Variants in RPAIN observed in about 807,000 individuals in gnomAD.
RPAIN encodes RPA interacting protein, also known as RPA-interacting protein.
A neutral mutation model predicts 30.5 loss-of-function variants in RPAIN; 29 were observed. The ratio of observed to expected loss-of-function variants is 0.95; its 90% CI spans 0.71 to 1.30. The LOEUF is 1.30. Among genes scored for constraint, RPAIN ranks in the 50% most tolerant of loss-of-function variants. RPAIN has a pLI of 0.00. For synonymous variants in RPAIN, 101 were observed against 93.5 expected (o/e 1.08, Z -0.46); for missense variants, 247 against 264.7 (o/e 0.93, Z 0.46).
Position 5,421,368 on chromosome 17 carries a change from C to A in RPAIN, c.154C>A (p.Pro52Thr), listed in dbSNP as rs1458226371. 1 of 1,613,794 alleles carries A rather than the reference C, an allele frequency of 6.2e-7. No homozygotes were observed. Among genetic ancestry groups the A allele is most frequent in the East Asian group, 2.2e-5 (1 of 44,868 alleles). Residue 52 changes from proline (P) to threonine (T), a missense_variant, in exon 2 of 7, where the codon CCA becomes ACA. Pro to Thr is a conservative substitution (Grantham distance 38, BLOSUM62 -1). Coordinates refer to ENST00000381209, the MANE Select transcript of RPAIN (RefSeq NM_001033002.4). ...GTACCGCCAGGCTGGAAGCAGTGGGCCAGGGAATTCTCAGAACAGCTTTCT... is the reference window on the plus strand; with the variant it reads ...GTACCGCCAGGCTGGAAGCAGTGGGACAGGGAATTCTCAGAACAGCTTTCT... ...NRYRQAGSSG[P>T]GNSQNSFLVQ...
chr17:5,431,556 A>G (rs79962342), intron 6 of RPAIN: 1 of 454,398 alleles, frequency 2.2e-6, no homozygotes, highest in East Asian at 7.1e-5. Context: ...ACATTTGGAA[A>G]GGTAGACATT....
intron 2 of RPAIN, among the ~76,000 whole-genome samples, chr17:5,422,563 A>T (rs1914973466): frequency 6.6e-6 from 1 of 152,220 alleles, no homozygotes; most frequent in Non-Finnish European, 1.5e-5. Context: ...GGGTACCATT[A>T]TTTTGTCACT....
intron 6 of RPAIN, chr17:5,428,627 A>G (rs532809867): frequency 2.3e-6 from 2 of 871,832 alleles, no homozygotes; most frequent in South Asian, 4.7e-5. Context: ...ACAGAGGTCC[A>G]AGGGCTATTC....
intron 5 of RPAIN, 114 bp from the exon 6 acceptor site, chr17:5,427,957 G>T: frequency 1.0e-6 from 1 of 971,198 alleles, no homozygotes. Context: ...AAGGCTCCAA[G>T]GAGTCAAGCC....
chr17:5,425,339 C>CTCTT (rs1915273660), intron 3 of RPAIN: 1 of 424,090 alleles, frequency 2.4e-6, no homozygotes, highest in Non-Finnish European at 4.7e-6. Context: ...TCAGTTCTCT[C>CTCTT]TTTTTTTTTT....
At chr17:5,429,740 C>T in intron 6 of RPAIN, 1 of 985,530 alleles carries the variant, frequency 1.0e-6, no homozygotes, top group Non-Finnish European at 1.2e-6. Context: ...TTTCAGGCCT[C>T]TGTGCTGTTG....
chr17:5,426,452 G>A, intron 5 of RPAIN, 153 bp downstream of exon 5: 1 of 720,370 alleles, frequency 1.4e-6, no homozygotes. Flanking sequence ...ATCAGCCATG[G>A]TGAGAATATC....
chr17:5,430,968 G>GA (rs1349115796), intron 6 of RPAIN: 1 of 160,820 alleles, frequency 6.2e-6, no homozygotes, highest in African/African-American at 2.4e-5. Context: ...TAATTGCCAA[G>GA]TGTACAGCTT....
rs1914791876 is a variant in RPAIN, at chr17:5,421,307, G to GA, written c.94dup (p.Arg32LysfsTer82). ...CTCTTTTTTCCCAGAGATGCCTGGA[G>GA]AGAATGAGAAACAGCCGGGACAGGC... On this transcript the variant is annotated frameshift_variant, in exon 2 of 7. Transcript: ENST00000381209. LOFTEE classifies it high-confidence loss of function. The GA allele has an allele frequency of 6.2e-7, 1 of 1,610,566 alleles. No individual in the cohort carries two copies. Among genetic ancestry groups the GA allele is most frequent in the Non-Finnish European group, 8.5e-7 (1 of 1,178,918 alleles).
chr17:5,420,273 G>T lies in RPAIN; in HGVS notation c.63G>T (p.Trp21Cys). The change falls in exon 1 of 7, where the codon TGG becomes TGT. Residue 21 changes from tryptophan to cysteine, a missense_variant. By Grantham distance (215) the Trp-to-Cys change is radical. Transcript: ENST00000381209. Reference protein sequence around the residue: ...SLYKLVGSPPWKEAFRQRCLE... With the variant: ...SLYKLVGSPPCKEAFRQRCLE... ...ACAAACTGGTGGGCTCGCCGCCTTG[G>T]AAAGAGGCTTTCCGGCAGGTGGGTA... The T allele has an allele frequency of 6.2e-7, 1 of 1,613,644 alleles. No individual in the cohort carries two copies. Among genetic ancestry groups the T allele is most frequent in the Non-Finnish European group, 8.5e-7 (1 of 1,179,906 alleles).
chr17:5,431,888 G>GT (rs1315593442), intron 6 of RPAIN: 1 of 321,806 alleles, frequency 3.1e-6, no homozygotes, highest in Non-Finnish European at 6.0e-6. Context: ...TATGCCTACT[G>GT]TTTAATTATT....
Position 5,426,808 on chromosome 17 carries a change from T to A in RPAIN, c.489+509T>A, listed in dbSNP as rs1414947637. On this transcript the variant is annotated intron_variant, in intron 5 of 6. Coordinates refer to ENST00000381209, the MANE Select transcript of RPAIN (RefSeq NM_001033002.4). ...GGTGCCTGCCACCACGCCCGGCTAATTTTTTTTTTATTTTTAGTAGAGATG... is the reference window on the plus strand; with the variant it reads ...GGTGCCTGCCACCACGCCCGGCTAAATTTTTTTTTATTTTTAGTAGAGATG... 2.7e-5 allele frequency: 4 copies of A among 148,452 alleles called. No homozygotes were observed. The East Asian group carries it at 7.9e-4, about 29-fold the overall frequency. 9.2% of individuals were successfully genotyped at this position (148,452 alleles called of 1,614,324 possible).
chr17:5,432,760 GAA>G lies in RPAIN; in HGVS notation c.*193_*194del. On this transcript the variant is annotated 3_prime_UTR_variant, in exon 7 of 7. Transcript: ENST00000381209. The stretch of plus-strand genomic sequence containing the variant: ...GACGCAGGTTGAAGGGGGAGGAATA[GAA>G]AAAGACAAACTGCCTTGGAGGAGAT... The G allele has an allele frequency of 1.3e-6, 1 of 770,690 alleles. No individual in the cohort carries two copies. Among genetic ancestry groups the G allele is most frequent in the Non-Finnish European group, 2.0e-6 (1 of 503,658 alleles). 47.7% of individuals were successfully genotyped at this position (770,690 alleles called of 1,614,324 possible).
intron 6 of RPAIN, chr17:5,430,026 G>C (rs1915754015): frequency 6.6e-6 from 1 of 152,224 alleles, no homozygotes; most frequent in South Asian, 2.1e-4. Flanking sequence ...AACTTAGCTG[G>C]ACATGGTGGT....
At chr17:5,425,339 CT>C (rs758229337) in intron 3 of RPAIN, 67,971 of 339,266 alleles carry the variant, frequency 0.2, 8 homozygotes, top group South Asian at 0.3. Flanking sequence ...TCAGTTCTCT[CT>C]TTTTTTTTTT....
chr17:5,422,640 G>T, intron 2 of RPAIN, 129 bp from the exon 3 acceptor site: 1 of 719,432 alleles, frequency 1.4e-6, no homozygotes, highest in Non-Finnish European at 2.5e-6. Context: ...AGCATATTCT[G>T]CAGGAGGACT....
chr17:5,431,589 A>C (rs1455825995), intron 6 of RPAIN: 5 of 456,030 alleles, frequency 1.1e-5, no homozygotes, highest in Non-Finnish European at 1.8e-5. Flanking sequence ...GTTCCACTAG[A>C]CCTTTGGTTT....
chr17:5,423,975 A>G (rs1276560633), intron 3 of RPAIN, among the ~76,000 whole-genome samples: 1 of 148,188 alleles, frequency 6.7e-6, no homozygotes, highest in African/African-American at 2.5e-5. Flanking sequence ...AAGACAAAAA[A>G]TTATTTTATT....
At chr17:5,427,335 C>A in intron 5 of RPAIN, 1 of 152,304 alleles carries the variant, frequency 6.6e-6, no homozygotes, top group South Asian at 2.1e-4. Flanking sequence ...GGGGTTTCAC[C>A]ATGTTGGTCA....
Sources: allele counts gnomAD v4.1 joint callset (sites outside exome capture counted in the v4.1 genomes callset), GRCh38; gene constraint gnomAD v4.1.1; transcripts MANE v1.5; gene names NCBI Gene and HGNC (gene_info 2026-07-23, HGNC 2026-07-21).